Variants in NYAP2 observed in about 807,000 individuals in gnomAD.
NYAP2 encodes the protein neuronal tyrosine-phosphorylated phosphoinositide-3-kinase adapter 2.
NYAP2 carries 23 observed loss-of-function variants against 50.4 expected under a neutral mutation model. The ratio of observed to expected loss-of-function variants is 0.46; its 90% confidence interval spans 0.33 to 0.65. The LOEUF (loss-of-function observed/expected upper bound fraction) is 0.65, where lower values mean the gene tolerates loss of function less well. Ranked by LOEUF, NYAP2 falls within the 30% of genes least tolerant of loss-of-function variation. The pLI is 0.02. For synonymous variants in NYAP2, 394 were observed against 365.2 expected, an observed-to-expected ratio of 1.08 and a Z score of -0.90; for missense variants, 885 against 861.0, an observed-to-expected ratio of 1.03 and a Z score of -0.35.
At chr2:225,454,507 C>T (rs1689705193) in intron 3 of NYAP2, among the ~76,000 whole-genome samples, 1 of 151,944 alleles carries the variant, frequency 6.6e-6, no homozygotes, top group Non-Finnish European at 1.5e-5. Context: ...TTAAGGGCTC[C>T]CCAAAGATGT....
rs1326748801 is a variant in NYAP2 at position 225,427,837 on chromosome 2, T to C, written c.221+18736T>C. Among the ~76,000 whole-genome samples the C allele has an allele frequency of 2.0e-5, 3 of 152,180 alleles. No individual in the cohort carries two copies. The East Asian group carries it at 5.8e-4, about 29-fold the overall frequency. On this transcript the variant is annotated intron_variant, in intron 3 of 6. Coordinates refer to ENST00000636099, the Ensembl canonical transcript of NYAP2. The stretch of plus-strand genomic sequence containing the variant: ...TGAGAATCTAATAACCTGGAAGATT[T>C]GTAAAGTGATTCAGATCTTTGCTGG...
intron 3 of NYAP2, among the ~76,000 whole-genome samples, chr2:225,496,543 A>T (rs943510516): frequency 5.9e-5 from 9 of 152,196 alleles, no homozygotes; most frequent in African/African-American, 2.2e-4. Flanking sequence ...ACTGAAACAG[A>T]TGGCCACAAA....
chr2:225,673,165 A>G, the NYAP2 span, among the ~76,000 whole-genome samples: 1 of 152,022 alleles, frequency 6.6e-6, no homozygotes, highest in Non-Finnish European at 1.5e-5. Context: ...CCCTTATGGA[A>G]CCATCGGACC....
At chr2:225,556,035 G>A (rs201145213) in intron 4 of NYAP2, among the ~76,000 whole-genome samples, 1 of 152,152 alleles carries the variant, frequency 6.6e-6, no homozygotes, top group South Asian at 2.1e-4. Context: ...GTTGTTTATT[G>A]TCTAAGTCCT....
At chr2:225,662,642 G>A in the NYAP2 span, among the ~76,000 whole-genome samples, 1 of 152,232 alleles carries the variant, frequency 6.6e-6, no homozygotes, top group African/African-American at 2.4e-5. Flanking sequence ...ATTTTGACAG[G>A]GATGGCATTT....
At chr2:225,682,492 A>T in the NYAP2 span, among the ~76,000 whole-genome samples, 1 of 152,140 alleles carries the variant, frequency 6.6e-6, no homozygotes, top group Non-Finnish European at 1.5e-5. Flanking sequence ...CTGCTTCTCC[A>T]TTGTCTTGAT....
rs758569075 is a variant in NYAP2 at position 225,414,618 on chromosome 2, C to T, written c.221+5517C>T. Among the ~76,000 whole-genome samples, 5 of 152,066 alleles carry T rather than the reference C, an allele frequency of 3.3e-5. No individual in the cohort carries two copies. In the South Asian group the frequency reaches 6.2e-4, roughly 19 times the overall value. On this transcript the variant is annotated intron_variant, in intron 3 of 6. Transcript: ENST00000636099. ...CAATGAGAAGAAGGCAAGTGACCAA[C>T]GAGAACAGAGTCCGGCCACAAACAT... is the stretch of plus-strand genomic sequence containing the variant.
chr2:225,511,327 A>AACACACACACAC (rs571887973), intron 3 of NYAP2, among the ~76,000 whole-genome samples: 11 of 129,920 alleles, frequency 8.5e-5, no homozygotes, highest in South Asian at 5.5e-4. Flanking sequence ...CGTTCTTTAA[A>AACACACACACAC]ACACACACAC....
chr2:225,587,979 C>T (rs1275372562), intron 5 of NYAP2, among the ~76,000 whole-genome samples: 1 of 151,986 alleles, frequency 6.6e-6, no homozygotes, highest in Non-Finnish European at 1.5e-5. Context: ...TGCTGGAGTG[C>T]AGTGGTGCAA....
chr2:225,588,781 G>C (rs557168717), intron 5 of NYAP2, among the ~76,000 whole-genome samples: 52 of 152,236 alleles, frequency 3.4e-4, no homozygotes, highest in Non-Finnish European at 7.2e-4. Flanking sequence ...GCAAAATGTT[G>C]AGCAAGTTGA....
chr2:225,425,983 T>TAGGGAC, intron 3 of NYAP2, among the ~76,000 whole-genome samples: 2 of 152,158 alleles, frequency 1.3e-5, no homozygotes, highest in African/African-American at 4.8e-5. Flanking sequence ...TAGTTAAGGG[T>TAGGGAC]AAGCTCAAGT....
the NYAP2 span, among the ~76,000 whole-genome samples, chr2:225,665,807 TAAAAAAA>T: frequency 0.013 from 282 of 20,986 alleles, 3 homozygotes; most frequent in African/African-American, 0.046. Flanking sequence ...AGCCTCCGTC[TAAAAAAA>T]AAAAAAAAAA....
the NYAP2 span, among the ~76,000 whole-genome samples, chr2:225,682,766 T>C: frequency 2.0e-5 from 3 of 152,138 alleles, no homozygotes; most frequent in Non-Finnish European, 4.4e-5. Flanking sequence ...AAAATCATCT[T>C]TCAATTTGAA....
chr2:225,694,303 T>G, the NYAP2 span, among the ~76,000 whole-genome samples: 1 of 150,320 alleles, frequency 6.7e-6, no homozygotes, highest in Non-Finnish European at 1.5e-5. Context: ...TTACACATCT[T>G]TTTTTTTTCT....
chr2:225,487,737 A>G (rs1037573233), intron 3 of NYAP2, among the ~76,000 whole-genome samples: 5 of 152,186 alleles, frequency 3.3e-5, no homozygotes, highest in African/African-American at 1.2e-4. Flanking sequence ...CAACACAGAC[A>G]TAGTATTTAT....
At chr2:225,405,956 G>C (rs1399966485) in intron 2 of NYAP2, among the ~76,000 whole-genome samples, 1 of 151,858 alleles carries the variant, frequency 6.6e-6, no homozygotes, top group East Asian at 1.9e-4. Context: ...CATTTATCAA[G>C]GGGTTATATT....
At chr2:225,419,277 G>A (rs1290794839) in intron 3 of NYAP2, among the ~76,000 whole-genome samples, 1 of 152,160 alleles carries the variant, frequency 6.6e-6, no homozygotes, top group Non-Finnish European at 1.5e-5. Context: ...CTCCGATAAC[G>A]GGAAGATTCA....
intron 3 of NYAP2, among the ~76,000 whole-genome samples, chr2:225,412,745 G>C (rs1196735318): frequency 6.6e-6 from 1 of 152,136 alleles, no homozygotes; most frequent in Non-Finnish European, 1.5e-5. Flanking sequence ...AGAAGAGCTG[G>C]AGGCTTGGGT....
intron 3 of NYAP2, among the ~76,000 whole-genome samples, chr2:225,432,144 ATTT>A (rs751205603): frequency 3.3e-4 from 39 of 119,520 alleles, no homozygotes; most frequent in African/African-American, 1.2e-3. Context: ...CGCCCGCCTA[ATTT>A]TTTTTTTTTT....
Sources: allele counts gnomAD v4.1 joint callset (sites outside exome capture counted in the v4.1 genomes callset), GRCh38; gene constraint gnomAD v4.1.1; transcripts MANE v1.5; gene names NCBI Gene and HGNC (gene_info 2026-07-23, HGNC 2026-07-21).